Variants in ELP3 observed in about 807,000 individuals in gnomAD.
ELP3 encodes elongator acetyltransferase complex subunit 3, also known as elongator complex protein 3.
A neutral mutation model predicts 74.9 loss-of-function variants in ELP3; 56 were observed. That is an observed-to-expected ratio of 0.75 (90% CI 0.60 to 0.93). The LOEUF is 0.93. Ranked by LOEUF, ELP3 falls within the 40% of genes least tolerant of loss-of-function variation. The pLI is 0.00. For missense variants in ELP3, 573 were observed against 686.5 expected (o/e 0.83, Z 1.85); for synonymous variants, 222 against 239.8 (o/e 0.93, Z 0.68).
chr8:28,178,469 C>G (rs969156987), intron 14 of ELP3, among the ~76,000 whole-genome samples: 5 of 152,188 alleles, frequency 3.3e-5, no homozygotes, highest in Admixed American at 2.6e-4. Context: ...GTTACTTTTG[C>G]TCAACATTGC....
At chr8:28,116,829 A>G (rs1247518851) in intron 7 of ELP3, among the ~76,000 whole-genome samples, 1 of 152,252 alleles carries the variant, frequency 6.6e-6, no homozygotes, top group Non-Finnish European at 1.5e-5. Context: ...GAGTAATGAT[A>G]TCATCCAGCT....
In ELP3 at chr8:28,129,679, G is replaced by T; in HGVS notation, c.779+16G>T. On this transcript the variant is annotated intron_variant, in intron 8 of 14. Coordinates refer to ENST00000256398, the MANE Select transcript of ELP3 (RefSeq NM_018091.6). ...ACACCAACAGGTAAGATGGTGGCAG[G>T]TGATCTTGCACAAGTCTTCCTCCAA... is the stretch of plus-strand genomic sequence containing the variant. 6.2e-7 allele frequency: 1 copy of T among 1,613,456 alleles called. No individual in the cohort carries two copies. Among genetic ancestry groups the T allele is most frequent in the Non-Finnish European group, 8.5e-7 (1 of 1,179,446 alleles).
At chr8:28,167,467 G>A (rs1186124091) in intron 14 of ELP3, among the ~76,000 whole-genome samples, 14 of 152,208 alleles carry the variant, frequency 9.2e-5, no homozygotes. Context: ...AGTTTCAGGA[G>A]AAGATAGTTT....
At chr8:28,113,440 T>G (rs563717539) in intron 7 of ELP3, among the ~76,000 whole-genome samples, 2 of 31,416 alleles carry the variant, frequency 6.4e-5, no homozygotes, top group Non-Finnish European at 4.8e-5. Context: ...AATAGAGAGA[T>G]TCGCCAAATA....
In ELP3 at chr8:28,117,074, A is replaced by G. The variant is rs140582252; in HGVS notation, c.617+3901A>G. Among the ~76,000 whole-genome samples, 89 of 152,186 alleles carry G rather than the reference A, an allele frequency of 5.8e-4. 1 individual carries two copies. The East Asian group carries it at 0.013, about 22-fold the overall frequency. ...CTGTACTCATTTCTTGGACCTTAATATGTAAGGTCTTCTTATCTTGAAGAC... is the reference window on the plus strand; with the variant it reads ...CTGTACTCATTTCTTGGACCTTAATGTGTAAGGTCTTCTTATCTTGAAGAC... On this transcript the variant is annotated intron_variant, in intron 7 of 14. Transcript: ENST00000256398.
At chr8:28,144,996 C>T (rs995226583) in intron 10 of ELP3, among the ~76,000 whole-genome samples, 12 of 151,934 alleles carry the variant, frequency 7.9e-5, no homozygotes, top group African/African-American at 2.4e-4. Context: ...GAGCTGAGAT[C>T]GTGCCACTGC....
In ELP3 at chr8:28,176,611, T is replaced by G. The variant is rs1444010154; in HGVS notation, c.1568-13038T>G. Among the ~76,000 whole-genome samples, 18 of 152,182 alleles carry G rather than the reference T, an allele frequency of 1.2e-4. 1 individual carries two copies. Among genetic ancestry groups the G allele is most frequent in the Admixed American group, 1.2e-3 (18 of 15,286 alleles). On this transcript the variant is annotated intron_variant, in intron 14 of 14. Coordinates refer to ENST00000256398, the MANE Select transcript of ELP3 (RefSeq NM_018091.6). The stretch of plus-strand genomic sequence containing the variant: ...CCAAGTTCCAGCATTCCAAAATAGT[T>G]GGTTGCAATTATTTTTTTTCCAGCG...
Position 28,189,822 on chromosome 8 carries a change from AT to A in ELP3, c.*98del. 7.6e-7 allele frequency: 1 copy of A among 1,315,420 alleles called. No individual in the cohort carries two copies. Among genetic ancestry groups the A allele is most frequent in the Non-Finnish European group, 1.1e-6 (1 of 922,744 alleles). The allele number at this position is 1,315,420 out of a possible 1,614,324, so 81.5% of individuals were successfully genotyped here. A position where few individuals can be genotyped will look rare whatever the true frequency, so the allele number is the denominator to read the frequency against. On this transcript the variant is annotated 3_prime_UTR_variant, in exon 15 of 15. Coordinates refer to ENST00000256398, the MANE Select transcript of ELP3 (RefSeq NM_018091.6). ...TCAACAGAGAGGCTGAGCAGAGCAA[AT>A]GGGGGGCTTCACCCTCATCCCGCAG...
chr8:28,107,240 T>G (rs1811735065), intron 4 of ELP3, among the ~76,000 whole-genome samples: 1 of 152,190 alleles, frequency 6.6e-6, no homozygotes, highest in Non-Finnish European at 1.5e-5. Flanking sequence ...AGAGTGAGAC[T>G]CCATATCAAA....
At chr8:28,111,807 TAAC>T (rs2130393125) in intron 6 of ELP3, among the ~76,000 whole-genome samples, 1 of 152,354 alleles carries the variant, frequency 6.6e-6, no homozygotes, top group African/African-American at 2.4e-5. Flanking sequence ...ATTACCTGAG[TAAC>T]TTCTCCAAAA....
intron 7 of ELP3, among the ~76,000 whole-genome samples, chr8:28,122,288 G>T (rs1176661598): frequency 6.6e-6 from 1 of 152,158 alleles, no homozygotes; most frequent in East Asian, 1.9e-4. Context: ...TTCGTTGTTG[G>T]TATTAGTGTA....
chr8:28,181,193 C>T (rs1299578169), intron 14 of ELP3, among the ~76,000 whole-genome samples: 1 of 152,132 alleles, frequency 6.6e-6, no homozygotes, highest in Non-Finnish European at 1.5e-5. Flanking sequence ...TTGGCTGGAG[C>T]GTTATTCTTA....
At chr8:28,136,025 G>A (rs1206616846) in intron 9 of ELP3, among the ~76,000 whole-genome samples, 4 of 149,330 alleles carry the variant, frequency 2.7e-5, no homozygotes, top group African/African-American at 5.0e-5. Context: ...GCAGTGGCAC[G>A]ATCTTGGCTC....
At chr8:28,162,538 A>C (rs1328881443) in intron 14 of ELP3, among the ~76,000 whole-genome samples, 1 of 152,192 alleles carries the variant, frequency 6.6e-6, no homozygotes, top group East Asian at 1.9e-4. Context: ...CAGTAACTTC[A>C]ATCCTGGGGA....
At chr8:28,170,496 A>G (rs1814479530) in intron 14 of ELP3, among the ~76,000 whole-genome samples, 2 of 152,144 alleles carry the variant, frequency 1.3e-5, no homozygotes, top group African/African-American at 2.4e-5. Flanking sequence ...CCGTGAGGAC[A>G]TGCCTCTCTG....
intron 10 of ELP3, among the ~76,000 whole-genome samples, chr8:28,138,700 C>A (rs1813095157): frequency 6.6e-6 from 1 of 152,144 alleles, no homozygotes. Context: ...AAGCAATGAA[C>A]ACTGAAAACA....
intron 14 of ELP3, among the ~76,000 whole-genome samples, chr8:28,177,558 A>G (rs1226461883): frequency 6.6e-6 from 1 of 152,256 alleles, no homozygotes; most frequent in Non-Finnish European, 1.5e-5. Context: ...TTAAACAATC[A>G]TAAATCATCT....
intron 3 of ELP3, among the ~76,000 whole-genome samples, chr8:28,104,319 G>A (rs1319626784): frequency 6.6e-6 from 1 of 152,106 alleles, no homozygotes; most frequent in Non-Finnish European, 1.5e-5. Flanking sequence ...GTCTTTCTCA[G>A]AGCACAACTT....
At chr8:28,124,543 A>G (rs947423886) in intron 7 of ELP3, among the ~76,000 whole-genome samples, 1 of 152,194 alleles carries the variant, frequency 6.6e-6, no homozygotes, top group Admixed American at 6.5e-5. Flanking sequence ...ATCATTTTCT[A>G]TAATGTTTTT....
Sources: allele counts gnomAD v4.1 joint callset (sites outside exome capture counted in the v4.1 genomes callset), GRCh38; gene constraint gnomAD v4.1.1; transcripts MANE v1.5; gene names NCBI Gene and HGNC (gene_info 2026-07-23, HGNC 2026-07-21).